The following CDH8 variants were observed in gnomAD, a reference collection of about 807,000 sequenced individuals.
CDH8 encodes the protein cadherin-8.
Under a neutral mutation model 68.1 loss-of-function variants are expected in CDH8, and 17 were observed. The observed-to-expected ratio is 0.25, with a 90% CI of 0.17 to 0.37. The LOEUF is 0.37. Among genes scored for constraint, CDH8 ranks in the 10% least tolerant of loss-of-function variants. The pLI is 1.00. For synonymous variants in CDH8, 372 were observed against 365.1 expected (o/e 1.02, Z -0.21); for missense variants, 763 against 999.3 (o/e 0.76, Z 3.19).
intron 2 of CDH8, among the ~76,000 whole-genome samples, chr16:62,001,884 T>C (rs1158439416): frequency 1.3e-5 from 2 of 152,112 alleles, no homozygotes; most frequent in African/African-American, 4.8e-5. Context: ...ATCTGGATAA[T>C]GTAGGTGAAC....
intron 9 of CDH8, 140 bp downstream of exon 9, chr16:61,726,954 T>C (rs1398128980): frequency 3.4e-6 from 3 of 883,626 alleles, no homozygotes; most frequent in Non-Finnish European, 1.7e-6. Flanking sequence ...AAATTCCCTC[T>C]CTGTTCCCAT....
intron 10 of CDH8, among the ~76,000 whole-genome samples, chr16:61,702,669 G>A (rs1331430787): frequency 6.6e-6 from 1 of 152,132 alleles, no homozygotes; most frequent in Non-Finnish European, 1.5e-5. Context: ...TTAGCTGATG[G>A]TTGCTGACCT....
chr16:61,949,546 T>C (rs1964855955), intron 2 of CDH8, among the ~76,000 whole-genome samples: 4 of 152,080 alleles, frequency 2.6e-5, no homozygotes, highest in Admixed American at 2.6e-4. Context: ...CCACACCACC[T>C]TTAAAAGCTG....
At chr16:61,759,964 T>C (rs1377988584) in intron 8 of CDH8, among the ~76,000 whole-genome samples, 2 of 152,082 alleles carry the variant, frequency 1.3e-5, no homozygotes, top group Non-Finnish European at 2.9e-5. Flanking sequence ...CTTTGGATTG[T>C]TAGTCTTGGA....
chr16:61,832,372 AT>A lies in CDH8; in HGVS notation c.668-7194del, dbSNP rs879611193. On this transcript the variant is annotated intron_variant, in intron 4 of 11. Coordinates refer to ENST00000577390, the MANE Select transcript of CDH8 (RefSeq NM_001796.5). ...GATAGATAGATAGATAGATAGATAGATAGATAGATACATAGAGAAATAGAGA... is the reference window on the plus strand; with the variant it reads ...GATAGATAGATAGATAGATAGATAGAAGATAGATACATAGAGAAATAGAGA... 3.7e-3 allele frequency among the ~76,000 whole-genome samples: 566 copies of A among 151,712 alleles called. 1 individual carries two copies. Among genetic ancestry groups the A allele is most frequent in the Non-Finnish European group, 4.5e-3 (307 of 67,764 alleles).
At chr16:61,725,276 A>G (rs547445132) in intron 9 of CDH8, 1 of 150,902 alleles carries the variant, frequency 6.6e-6, no homozygotes, top group Non-Finnish European at 1.5e-5. Flanking sequence ...AAGAAGAACG[A>G]CTGAGAAATC....
At chr16:61,656,063 G>C (rs1345576854) in intron 10 of CDH8, among the ~76,000 whole-genome samples, 1 of 151,950 alleles carries the variant, frequency 6.6e-6, no homozygotes, top group Non-Finnish European at 1.5e-5. Context: ...TAGTAGAGAC[G>C]GAGTTTCACC....
chr16:61,701,152 T>C (rs4270168), intron 10 of CDH8, among the ~76,000 whole-genome samples: 93,818 of 152,016 alleles, frequency 0.62, 30,383 homozygotes, highest in African/African-American at 0.82. Context: ...CTGGGAGTGA[T>C]CTATCCCAGT....
chr16:61,974,937 T>C (rs979398439), intron 2 of CDH8, among the ~76,000 whole-genome samples: 5 of 152,180 alleles, frequency 3.3e-5, no homozygotes, highest in African/African-American at 9.7e-5. Context: ...CAAGGTTTTG[T>C]ATTTTTACAC....
intron 3 of CDH8, among the ~76,000 whole-genome samples, chr16:61,891,732 C>A (rs749083478): frequency 2.6e-5 from 4 of 152,164 alleles, no homozygotes; most frequent in Non-Finnish European, 5.9e-5. Flanking sequence ...AGCTAGATTT[C>A]TTTTGAAAGT....
chr16:61,815,054 C>T (rs2142999721), intron 7 of CDH8, among the ~76,000 whole-genome samples: 1 of 152,278 alleles, frequency 6.6e-6, no homozygotes, highest in African/African-American at 2.4e-5. Context: ...AGCATTTGTC[C>T]CTTCTTTGGG....
chr16:61,852,683 G>A (rs1962960585), intron 4 of CDH8, among the ~76,000 whole-genome samples: 1 of 152,056 alleles, frequency 6.6e-6, no homozygotes, highest in Admixed American at 6.6e-5. Context: ...AGTATAGACT[G>A]GATACCAAGC....
At chr16:61,839,881 G>T (rs1962646035) in intron 4 of CDH8, among the ~76,000 whole-genome samples, 1 of 152,092 alleles carries the variant, frequency 6.6e-6, no homozygotes, top group African/African-American at 2.4e-5. Context: ...ATACCATTTT[G>T]GACCTTGCTA....
intron 4 of CDH8, among the ~76,000 whole-genome samples, chr16:61,837,786 A>T (rs569622032): frequency 9.9e-5 from 15 of 152,002 alleles, no homozygotes; most frequent in Non-Finnish European, 1.0e-4. Flanking sequence ...TTTTAACTAC[A>T]CTTAGCCCAG....
intron 10 of CDH8, among the ~76,000 whole-genome samples, chr16:61,663,193 T>C (rs1044485002): frequency 6.6e-6 from 1 of 152,056 alleles, no homozygotes; most frequent in Non-Finnish European, 1.5e-5. Context: ...ACAAGAGCTC[T>C]TTTCAAGTAC....
chr16:61,784,748 C>G (rs1961190224), intron 8 of CDH8, among the ~76,000 whole-genome samples: 1 of 150,344 alleles, frequency 6.7e-6, no homozygotes, highest in African/African-American at 2.4e-5. Flanking sequence ...TCTCAGACCA[C>G]AGTGCAATCA....
intron 7 of CDH8, among the ~76,000 whole-genome samples, chr16:61,807,069 A>G (rs1197471049): frequency 7.9e-6 from 1 of 126,842 alleles, no homozygotes; most frequent in East Asian, 2.5e-4. Flanking sequence ...CTTGGAACCA[A>G]CCCAAATGTC....
intron 7 of CDH8, among the ~76,000 whole-genome samples, chr16:61,807,566 A>C (rs1218650295): frequency 6.6e-6 from 1 of 152,194 alleles, no homozygotes; most frequent in Non-Finnish European, 1.5e-5. Context: ...CAGTGTGCGT[A>C]TCCATTATAG....
chr16:61,844,959 T>C (rs1294902313), intron 4 of CDH8, among the ~76,000 whole-genome samples: 2 of 152,144 alleles, frequency 1.3e-5, no homozygotes, highest in Admixed American at 6.6e-5. Flanking sequence ...CAAGTCAGAT[T>C]TAAACTCAAA....
Sources: allele counts gnomAD v4.1 joint callset (sites outside exome capture counted in the v4.1 genomes callset), GRCh38; gene constraint gnomAD v4.1.1; transcripts MANE v1.5; gene names NCBI Gene and HGNC (gene_info 2026-07-23, HGNC 2026-07-21).